The following RBFOX1 variants were observed in gnomAD, a reference collection of about 807,000 sequenced individuals.
RBFOX1 encodes the protein RNA binding protein fox-1 homolog 1.
A neutral mutation model predicts 57.7 loss-of-function variants in RBFOX1; 8 were observed. The observed-to-expected ratio is 0.14, with a 90% confidence interval of 0.08 to 0.25. The LOEUF (loss-of-function observed/expected upper bound fraction) is 0.25. Ranked by LOEUF, RBFOX1 falls within the 10% of genes least tolerant of loss-of-function variation. The pLI is 1.00. For synonymous variants in RBFOX1, 326 were observed against 222.4 expected (o/e 1.47, Z -4.15); for missense variants, 611 against 548.5 (o/e 1.11, Z -1.14).
intron 2 of RBFOX1, among the ~76,000 whole-genome samples, chr16:5,497,855 G>A (rs1459646345): frequency 6.6e-6 from 1 of 152,184 alleles, no homozygotes; most frequent in Non-Finnish European, 1.5e-5. Flanking sequence ...GAAATCAAAG[G>A]CTTGCAGGGA....
intron 4 of RBFOX1, among the ~76,000 whole-genome samples, chr16:7,420,227 G>A (rs1210160808): frequency 6.6e-6 from 1 of 152,090 alleles, no homozygotes; most frequent in Non-Finnish European, 1.5e-5. Context: ...GTAGAGTGTG[G>A]AAATTCTCAG....
intron 2 of RBFOX1, among the ~76,000 whole-genome samples, chr16:6,556,363 G>C (rs1270006972): frequency 1.3e-5 from 2 of 152,180 alleles, no homozygotes; most frequent in East Asian, 1.9e-4. Context: ...TGTTCAAACT[G>C]TGCCGGCTCT....
chr16:6,503,756 C>A (rs1363341453), intron 2 of RBFOX1, among the ~76,000 whole-genome samples: 3 of 152,160 alleles, frequency 2.0e-5, no homozygotes, highest in Admixed American at 2.0e-4. Flanking sequence ...CACAGCCAAT[C>A]CCAGAGTGAG....
intron 4 of RBFOX1, among the ~76,000 whole-genome samples, chr16:5,989,927 C>G (rs2060362489): frequency 1.3e-5 from 2 of 149,418 alleles, no homozygotes; most frequent in East Asian, 2.0e-4. Flanking sequence ...TGGTCTGAGG[C>G]TAAATCCAGA....
Position 7,259,971 on chromosome 16 carries a change from A to C in RBFOX1, c.27+207873A>C, listed in dbSNP as rs1567931780. ...CTCCCCTCCCTGATTTAGTAATTTC[A>C]GGCTCAAGTAGTTGATCCCAATGCT... On this transcript the variant is annotated intron_variant, in intron 4 of 15. Transcript: ENST00000550418. 2.0e-5 allele frequency among the ~76,000 whole-genome samples: 3 copies of C among 152,304 alleles called. No homozygotes were observed. The East Asian group carries it at 5.8e-4, about 29-fold the overall frequency.
intron 1 of RBFOX1, among the ~76,000 whole-genome samples, chr16:6,283,666 GTA>G (rs1216501650): frequency 6.6e-6 from 1 of 152,206 alleles, no homozygotes; most frequent in Admixed American, 6.5e-5. Context: ...CGTGCCGTTA[GTA>G]TAGTGACGGA....
chr16:6,212,144 C>G (rs1251999326), intron 1 of RBFOX1, among the ~76,000 whole-genome samples: 2 of 152,082 alleles, frequency 1.3e-5, no homozygotes, highest in Non-Finnish European at 2.9e-5. Flanking sequence ...AGGTATGAGC[C>G]ACTGTCCTCG....
intron 4 of RBFOX1, among the ~76,000 whole-genome samples, chr16:5,935,068 G>T (rs1191538924): frequency 2.0e-5 from 3 of 152,216 alleles, no homozygotes; most frequent in African/African-American, 7.2e-5. Flanking sequence ...GCTTTTAAGA[G>T]AATTCAGCTG....
At chr16:7,039,570 A>G (rs2045540640) in intron 3 of RBFOX1, among the ~76,000 whole-genome samples, 2 of 152,154 alleles carry the variant, frequency 1.3e-5, no homozygotes, top group African/African-American at 4.8e-5. Context: ...CTAAGCATTT[A>G]CTAGTGTAAC....
At chr16:7,451,889 G>C (rs28512367) in intron 4 of RBFOX1, among the ~76,000 whole-genome samples, 1 of 152,144 alleles carries the variant, frequency 6.6e-6, no homozygotes, top group African/African-American at 2.4e-5. Context: ...CAGAAGCTCT[G>C]CTATAATTGT....
chr16:6,995,979 T>G (rs2092191958), intron 3 of RBFOX1, among the ~76,000 whole-genome samples: 1 of 152,168 alleles, frequency 6.6e-6, no homozygotes, highest in South Asian at 2.1e-4. Context: ...AATTACTTTT[T>G]CCCATTGGAA....
At chr16:7,351,129 C>A (rs1297406298) in intron 4 of RBFOX1, among the ~76,000 whole-genome samples, 1 of 152,184 alleles carries the variant, frequency 6.6e-6, no homozygotes, top group Non-Finnish European at 1.5e-5. Flanking sequence ...GGATCTCTCA[C>A]TTTTGCAAGT....
chr16:5,848,832 C>T (rs2056819380), intron 3 of RBFOX1, among the ~76,000 whole-genome samples: 2 of 152,070 alleles, frequency 1.3e-5, no homozygotes, highest in African/African-American at 4.8e-5. Context: ...ACCTGTAATA[C>T]TAGCTCCTTG....
intron 1 of RBFOX1, among the ~76,000 whole-genome samples, chr16:6,241,257 C>A (rs1022756573): frequency 3.3e-5 from 5 of 152,144 alleles, no homozygotes; most frequent in African/African-American, 1.2e-4. Flanking sequence ...TTTAAAACAA[C>A]AACAAAAAAT....
At chr16:6,894,193 A>C (rs778897766) in intron 3 of RBFOX1, among the ~76,000 whole-genome samples, 1 of 152,156 alleles carries the variant, frequency 6.6e-6, no homozygotes, top group Non-Finnish European at 1.5e-5. Context: ...TTTTTATTCA[A>C]AGTAAGCTTC....
intron 3 of RBFOX1, among the ~76,000 whole-genome samples, chr16:7,050,464 C>CT (rs2049652383): frequency 6.6e-6 from 1 of 151,990 alleles, no homozygotes; most frequent in Non-Finnish European, 1.5e-5. Context: ...AGAGGTTTCA[C>CT]CATATTGGCC....
intron 4 of RBFOX1, chr16:7,332,861 G>A (rs1228717029): frequency 1.4e-5 from 21 of 1,466,424 alleles, no homozygotes; most frequent in Admixed American, 4.6e-5. Flanking sequence ...TTCCTCTCCC[G>A]GCGTTGATGA....
intron 4 of RBFOX1, among the ~76,000 whole-genome samples, chr16:7,178,962 C>T (rs2082177150): frequency 6.6e-6 from 1 of 152,040 alleles, no homozygotes; most frequent in Non-Finnish European, 1.5e-5. Flanking sequence ...ACACTGCTGG[C>T]CCATTATAAT....
At chr16:5,646,333 C>G (rs2049055058) in intron 3 of RBFOX1, among the ~76,000 whole-genome samples, 1 of 151,952 alleles carries the variant, frequency 6.6e-6, no homozygotes, top group African/African-American at 2.4e-5. Context: ...GAGATAGGGT[C>G]TCACTATGTT....
Sources: gnomAD v4.1 joint callset for allele counts (sites outside exome capture counted in the v4.1 genomes callset) on GRCh38, gnomAD v4.1.1 for gene constraint, MANE v1.5 for transcripts, NCBI Gene and HGNC (gene_info 2026-07-23, HGNC 2026-07-21) for gene names.